NLGN1: variants seen among roughly 807,000 people sequenced by gnomAD.
The protein encoded by NLGN1 is neuroligin 1, also known as neuroligin-1.
A neutral mutation model predicts 65.5 loss-of-function variants in NLGN1; 12 were observed. The observed-to-expected ratio is 0.18, with a 90% CI of 0.12 to 0.30. NLGN1 has a LOEUF of 0.30. NLGN1 is among the 10% of genes least tolerant of loss of function. NLGN1 has a pLI of 1.00. For synonymous variants in NLGN1, 350 were observed against 359.5 expected (o/e 0.97, Z 0.30); for missense variants, 750 against 1,007.1 (o/e 0.74, Z 3.46).
intron 4 of NLGN1, among the ~76,000 whole-genome samples, chr3:173,993,784 A>G (rs1721659147): frequency 6.6e-6 from 1 of 151,912 alleles, no homozygotes; most frequent in South Asian, 2.1e-4. Flanking sequence ...ATATATATAA[A>G]TGGTATATAT....
chr3:174,128,374 A>C (rs1719408195), intron 4 of NLGN1, among the ~76,000 whole-genome samples: 1 of 152,214 alleles, frequency 6.6e-6, no homozygotes, highest in African/African-American at 2.4e-5. Context: ...AAATAGTAAA[A>C]TAATAATAGA....
chr3:174,118,467 T>C (rs756361884), intron 4 of NLGN1, among the ~76,000 whole-genome samples: 2 of 152,156 alleles, frequency 1.3e-5, no homozygotes, highest in Non-Finnish European at 2.9e-5. Context: ...TATGGTTTTG[T>C]GAGTACCTAA....
At chr3:173,601,945 A>G (rs1029012701) in intron 2 of NLGN1, among the ~76,000 whole-genome samples, 1 of 152,034 alleles carries the variant, frequency 6.6e-6, no homozygotes, top group African/African-American at 2.4e-5. Context: ...TTACAGTTCA[A>G]TTTTAAATAC....
At chr3:173,807,813 C>T (rs754076427) in exon 4 of NLGN1, 3 of 1,613,534 alleles carry the variant, frequency 1.9e-6, no homozygotes, top group Non-Finnish European at 2.5e-6. Flanking sequence ...TCACAGTCAA[C>T]TATCGACTTG....
intron 4 of NLGN1, among the ~76,000 whole-genome samples, chr3:174,028,087 G>A (rs1280123507): frequency 6.6e-6 from 1 of 152,122 alleles, no homozygotes; most frequent in African/African-American, 2.4e-5. Context: ...ATGATTGTGA[G>A]GTCTCCCCAG....
chr3:173,843,207 C>T (rs1725109641), intron 4 of NLGN1, among the ~76,000 whole-genome samples: 1 of 152,206 alleles, frequency 6.6e-6, no homozygotes, highest in Non-Finnish European at 1.5e-5. Flanking sequence ...CTGCACACAG[C>T]ACAGGGACCC....
chr3:173,471,167 G>T (rs1200342460), intron 2 of NLGN1, among the ~76,000 whole-genome samples: 1 of 152,130 alleles, frequency 6.6e-6, no homozygotes, highest in Non-Finnish European at 1.5e-5. Flanking sequence ...GTTGCCTCGG[G>T]TCAGCATTAA....
At chr3:174,068,949 C>T (rs2152530933) in intron 4 of NLGN1, among the ~76,000 whole-genome samples, 1 of 152,114 alleles carries the variant, frequency 6.6e-6, no homozygotes. Context: ...TGTAACATGC[C>T]ACGTGAGAGA....
exon 7 of NLGN1, chr3:174,281,043 A>C: frequency 1.2e-6 from 2 of 1,613,300 alleles, no homozygotes; most frequent in Non-Finnish European, 1.7e-6. Flanking sequence ...AATGAAGCAC[A>C]CTGATTTGGA....
intron 4 of NLGN1, among the ~76,000 whole-genome samples, chr3:173,919,280 T>C (rs1183916917): frequency 6.6e-6 from 1 of 152,204 alleles, no homozygotes; most frequent in Admixed American, 6.5e-5. Context: ...GAAAAAGCTG[T>C]TTATCCCCTT....
chr3:173,650,053 G>A (rs7633297), intron 3 of NLGN1, among the ~76,000 whole-genome samples: 7,198 of 151,884 alleles, frequency 0.047, 410 homozygotes, highest in African/African-American at 0.12. Context: ...ATACGTGTAT[G>A]TATGCATACT....
chr3:174,095,993 C>G (rs1216913853), intron 4 of NLGN1, among the ~76,000 whole-genome samples: 1 of 148,400 alleles, frequency 6.7e-6, no homozygotes, highest in African/African-American at 2.6e-5. Context: ...GAGCGAGACT[C>G]CATCTAAAAA....
chr3:173,437,287 C>T (rs1718313351), intron 2 of NLGN1, among the ~76,000 whole-genome samples: 1 of 152,166 alleles, frequency 6.6e-6, no homozygotes, highest in Non-Finnish European at 1.5e-5. Flanking sequence ...ACTGCCAATA[C>T]CACATGTGTC....
intron 4 of NLGN1, among the ~76,000 whole-genome samples, chr3:173,962,818 T>A (rs1320267232): frequency 3.3e-5 from 5 of 152,144 alleles, no homozygotes; most frequent in Non-Finnish European, 7.4e-5. Context: ...AAGTTGATGC[T>A]CAATATACCT....
At chr3:173,421,727 C>T (rs530635035) in intron 1 of NLGN1, among the ~76,000 whole-genome samples, 1 of 151,896 alleles carries the variant, frequency 6.6e-6, no homozygotes, top group African/African-American at 2.4e-5. Flanking sequence ...GGCGTGTTGC[C>T]TCAGGCTGGT....
chr3:173,945,914 G>A (rs1747058488), intron 4 of NLGN1, among the ~76,000 whole-genome samples: 1 of 152,152 alleles, frequency 6.6e-6, no homozygotes, highest in African/African-American at 2.4e-5. Flanking sequence ...GCTTCTTAAG[G>A]CAGGTATCTC....
In NLGN1 at chr3:174,062,892, C is replaced by A. The variant is rs1186550167; in HGVS notation, c.647-212423C>A. On this transcript the variant is annotated intron_variant, in intron 4 of 6. Coordinates refer to ENST00000457714, the Ensembl canonical transcript of NLGN1. ...GGAAAAATATTACATTTATTATTTT[C>A]TTCCCTCAGTATAACACTGTATTAG... Among the ~76,000 whole-genome samples, 4 of 151,842 alleles carry A rather than the reference C, an allele frequency of 2.6e-5. No homozygotes were observed. The East Asian group carries it at 5.8e-4, about 22-fold the overall frequency.
intron 2 of NLGN1, among the ~76,000 whole-genome samples, chr3:173,505,543 G>C (rs1731892222): frequency 6.6e-6 from 1 of 152,028 alleles, no homozygotes; most frequent in African/African-American, 2.4e-5. Context: ...CTTCTCCTAA[G>C]GGTCTTTCAG....
At chr3:173,747,734 T>C (rs1775681125) in intron 3 of NLGN1, among the ~76,000 whole-genome samples, 2 of 150,520 alleles carry the variant, frequency 1.3e-5, no homozygotes, top group African/African-American at 4.9e-5. Context: ...GGGACTAGGG[T>C]ATATGCAGCC....
Sources: gnomAD v4.1 joint callset for allele counts (sites outside exome capture counted in the v4.1 genomes callset) on GRCh38, gnomAD v4.1.1 for gene constraint, MANE v1.5 for transcripts, NCBI Gene and HGNC (gene_info 2026-07-23, HGNC 2026-07-21) for gene names.